Variants in EDIL3 observed in about 807,000 individuals in gnomAD.
The protein encoded by EDIL3 is EGF-like repeat and discoidin I-like domain-containing protein 3.
Under a neutral mutation model 67.4 loss-of-function variants are expected in EDIL3, and 37 were observed. That is an observed-to-expected ratio of 0.55 (90% CI 0.42 to 0.72). The LOEUF is 0.72. EDIL3 is among the 30% of genes least tolerant of loss of function. EDIL3 has a pLI of 0.00. For synonymous variants in EDIL3, 195 were observed against 196.3 expected, an observed-to-expected ratio of 0.99 and a Z score of 0.05; for missense variants, 527 against 586.3, an observed-to-expected ratio of 0.90 and a Z score of 1.04.
intron 1 of EDIL3, among the ~76,000 whole-genome samples, chr5:84,264,402 T>C (rs1373837055): frequency 6.6e-6 from 1 of 151,756 alleles, no homozygotes; most frequent in African/African-American, 2.4e-5. Flanking sequence ...CATAGAAAAA[T>C]GATGGAGGGA....
chr5:84,332,562 T>C (rs1240628433), intron 1 of EDIL3, among the ~76,000 whole-genome samples: 1 of 152,202 alleles, frequency 6.6e-6, no homozygotes, highest in Non-Finnish European at 1.5e-5. Context: ...TCTTTTCAGG[T>C]ATGCAGAAGA....
At chr5:83,987,869 G>GTGTATATATATATATATA (rs1418733698) in intron 9 of EDIL3, among the ~76,000 whole-genome samples, 1 of 138,426 alleles carries the variant, frequency 7.2e-6, no homozygotes, top group African/African-American at 2.9e-5. Flanking sequence ...GTGTGTGTAT[G>GTGTATATATATATATATA]TATATATATA....
chr5:84,190,291 T>C (rs902410362), intron 3 of EDIL3, among the ~76,000 whole-genome samples: 1 of 151,924 alleles, frequency 6.6e-6, no homozygotes, highest in Non-Finnish European at 1.5e-5. Flanking sequence ...AAGTCTTTCT[T>C]TTTAGATCAG....
At chr5:84,061,007 T>C (rs1746532971) in intron 8 of EDIL3, among the ~76,000 whole-genome samples, 1 of 152,168 alleles carries the variant, frequency 6.6e-6, no homozygotes, top group Admixed American at 6.6e-5. Context: ...AAGAAATATG[T>C]TAATCTTCAT....
intron 9 of EDIL3, among the ~76,000 whole-genome samples, chr5:84,014,822 T>A (rs757349267): frequency 6.6e-6 from 1 of 152,198 alleles, no homozygotes; most frequent in Non-Finnish European, 1.5e-5. Flanking sequence ...TAATTCTTTG[T>A]ATCTTAAAGG....
intron 9 of EDIL3, among the ~76,000 whole-genome samples, chr5:84,053,340 C>A (rs1217884817): frequency 6.6e-6 from 1 of 152,076 alleles, no homozygotes; most frequent in Non-Finnish European, 1.5e-5. Context: ...GCACTAAATG[C>A]CCACAAGAGA....
intron 5 of EDIL3, among the ~76,000 whole-genome samples, chr5:84,135,721 C>T (rs1748077826): frequency 6.6e-6 from 1 of 152,164 alleles, no homozygotes; most frequent in African/African-American, 2.4e-5. Context: ...GCTGTATGGT[C>T]AACCTACTTA....
In EDIL3 at chr5:83,957,506, C is replaced by A. The variant is rs148483414; in HGVS notation, c.1293+5699G>T. Among the ~76,000 whole-genome samples the A allele has an allele frequency of 1.5e-3, 225 of 151,818 alleles. 1 individual carries two copies. Among genetic ancestry groups the A allele is most frequent in the African/African-American group, 5.3e-3 (218 of 41,506 alleles). ...AAACTACTCACTTCAGCAGAAATGA[C>A]AGGATGCTCTGTGACATCTGTAATT... On this transcript the variant is annotated intron_variant, in intron 10 of 10. Transcript: ENST00000296591.
intron 4 of EDIL3, among the ~76,000 whole-genome samples, chr5:84,157,406 A>C (rs1748512183): frequency 6.6e-6 from 1 of 152,112 alleles, no homozygotes; most frequent in African/African-American, 2.4e-5. Context: ...TCCAGTAAAT[A>C]ATATTTAAGC....
intron 1 of EDIL3, among the ~76,000 whole-genome samples, chr5:84,350,935 G>C (rs1203252232): frequency 6.6e-6 from 1 of 151,982 alleles, no homozygotes; most frequent in Non-Finnish European, 1.5e-5. Context: ...GTAAATTAAT[G>C]ATATATTTTT....
chr5:84,269,607 G>T (rs1745422816), intron 1 of EDIL3, among the ~76,000 whole-genome samples: 1 of 152,050 alleles, frequency 6.6e-6, no homozygotes, highest in African/African-American at 2.4e-5. Context: ...TGCAAGGTTG[G>T]CTCTAACAAG....
intron 1 of EDIL3, among the ~76,000 whole-genome samples, chr5:84,273,947 A>T (rs1271095747): frequency 6.6e-6 from 1 of 152,150 alleles, no homozygotes; most frequent in Non-Finnish European, 1.5e-5. Flanking sequence ...GTGTACATCT[A>T]TGCCTTGTTG....
intron 1 of EDIL3, among the ~76,000 whole-genome samples, chr5:84,373,570 A>C (rs1038035281): frequency 6.6e-6 from 1 of 152,210 alleles, no homozygotes; most frequent in African/African-American, 2.4e-5. Context: ...AAAAGACTTT[A>C]GAAATTATCT....
intron 9 of EDIL3, among the ~76,000 whole-genome samples, chr5:84,022,223 T>G (rs393110): frequency 0.85 from 129,003 of 151,856 alleles, 55,635 homozygotes; most frequent in Non-Finnish European, 0.92. Context: ...CCATAACCAA[T>G]TGAGATTTAT....
chr5:84,380,858 T>C (rs1748061229), intron 1 of EDIL3, among the ~76,000 whole-genome samples: 1 of 152,068 alleles, frequency 6.6e-6, no homozygotes, highest in African/African-American at 2.4e-5. Flanking sequence ...ATGTATATCT[T>C]ATTCCTTCCC....
At chr5:84,125,310 G>A (rs1186408424) in intron 5 of EDIL3, among the ~76,000 whole-genome samples, 1 of 151,968 alleles carries the variant, frequency 6.6e-6, no homozygotes, top group Non-Finnish European at 1.5e-5. Flanking sequence ...CAATTATTTT[G>A]ATGTTTGTCT....
intron 1 of EDIL3, among the ~76,000 whole-genome samples, chr5:84,265,412 C>T (rs1172444570): frequency 6.6e-6 from 1 of 152,078 alleles, no homozygotes; most frequent in Non-Finnish European, 1.5e-5. Flanking sequence ...AGAGACATCA[C>T]AAAAATTAAA....
At chr5:84,031,806 A>G (rs1745927899) in intron 9 of EDIL3, among the ~76,000 whole-genome samples, 1 of 152,258 alleles carries the variant, frequency 6.6e-6, no homozygotes, top group African/African-American at 2.4e-5. Flanking sequence ...GACACCAGAC[A>G]AGCTCTAACT....
intron 5 of EDIL3, among the ~76,000 whole-genome samples, chr5:84,113,609 A>C (rs1747612267): frequency 6.6e-6 from 1 of 152,172 alleles, no homozygotes; most frequent in Non-Finnish European, 1.5e-5. Flanking sequence ...TATGGCAAAG[A>C]ATGGCTTCTG....
Sources: allele counts gnomAD v4.1 joint callset (sites outside exome capture counted in the v4.1 genomes callset), GRCh38; gene constraint gnomAD v4.1.1; transcripts MANE v1.5; gene names NCBI Gene and HGNC (gene_info 2026-07-23, HGNC 2026-07-21).